Variants in PAG1 observed in about 807,000 individuals in gnomAD.
PAG1 encodes the protein phosphoprotein membrane anchor with glycosphingolipid microdomains 1.
In PAG1, 23 loss-of-function variants were observed where a neutral mutation model predicts 31.7. The observed-to-expected ratio is 0.73, with a 90% confidence interval of 0.52 to 1.03. The LOEUF (loss-of-function observed/expected upper bound fraction) is 1.03, where lower values mean the gene tolerates loss of function less well. Ranked by LOEUF, PAG1 falls within the 50% of genes least tolerant of loss-of-function variation. The pLI is 0.00. For missense variants in PAG1, 473 were observed against 540.7 expected (o/e 0.87, Z 1.24); for synonymous variants, 214 against 210.3 (o/e 1.02, Z -0.15).
intron 1 of PAG1, among the ~76,000 whole-genome samples, chr8:81,087,981 G>A (rs527257543): frequency 1.3e-5 from 2 of 152,266 alleles, no homozygotes; most frequent in Non-Finnish European, 2.9e-5. Flanking sequence ...CTGATTTAAA[G>A]CTGAAGATTT....
chr8:80,976,946 G>T, intron 8 of PAG1, 40 bp from the exon 9 acceptor site: 2 of 1,554,114 alleles, frequency 1.3e-6, no homozygotes, highest in South Asian at 2.5e-5. Context: ...TTCCAGCTGT[G>T]ACTTCCCCCT....
At chr8:81,068,430 C>T (rs1809042583) in intron 2 of PAG1, among the ~76,000 whole-genome samples, 1 of 152,140 alleles carries the variant, frequency 6.6e-6, no homozygotes, top group South Asian at 2.1e-4. Context: ...AAGAATGTAG[C>T]CACCATGTTA....
intron 1 of PAG1, among the ~76,000 whole-genome samples, chr8:81,077,078 G>A (rs946686551): frequency 4.6e-5 from 7 of 152,168 alleles, no homozygotes; most frequent in East Asian, 1.9e-4. Context: ...CTTAGAAATC[G>A]TGCAGAGCTT....
chr8:80,987,423 G>C lies in PAG1; in HGVS notation c.221C>G (p.Ala74Gly). ...EMFSRSVTSL[A>G]TDAPASSEQN... ...CTCACTGCTGGCAGGAGCATCTGTTGCCAGGCTAGTAACTGAACGGCTGAA... is the reference window on the plus strand; with the variant it reads ...CTCACTGCTGGCAGGAGCATCTGTTCCCAGGCTAGTAACTGAACGGCTGAA... The change falls in exon 6 of 9, where the codon GCA becomes GGA. Residue 74 changes from alanine to glycine, a missense_variant. By Grantham distance (60) the Ala-to-Gly change is moderately conservative. Transcript: ENST00000220597. 2 of 1,614,002 alleles carry C rather than the reference G, an allele frequency of 1.2e-6. No homozygotes were observed. Among genetic ancestry groups the C allele is most frequent in the East Asian group, 4.5e-5 (2 of 44,888 alleles).
chr8:80,979,249 A>G (rs7016005), intron 8 of PAG1, among the ~76,000 whole-genome samples: 11 of 152,236 alleles, frequency 7.2e-5, no homozygotes, highest in African/African-American at 2.7e-4. Context: ...TATATATTTT[A>G]CCTTCTTGTC....
intron 1 of PAG1, among the ~76,000 whole-genome samples, chr8:81,098,413 A>T (rs1472642051): frequency 2.0e-5 from 3 of 152,128 alleles, no homozygotes; most frequent in African/African-American, 7.2e-5. Context: ...TGAACTCTAA[A>T]TATCTTTCCT....
At chr8:81,078,891 T>G (rs1809219919) in intron 1 of PAG1, among the ~76,000 whole-genome samples, 3 of 152,092 alleles carry the variant, frequency 2.0e-5, no homozygotes, top group African/African-American at 7.2e-5. Context: ...AAACGCACAA[T>G]CTGGTTCCAG....
intron 1 of PAG1, among the ~76,000 whole-genome samples, chr8:81,100,596 GT>G (rs1192974405): frequency 6.6e-6 from 1 of 152,190 alleles, no homozygotes; most frequent in Non-Finnish European, 1.5e-5. Context: ...AAGAACCACA[GT>G]TCTAGACAGA....
intron 7 of PAG1, among the ~76,000 whole-genome samples, chr8:80,981,862 C>CT (rs57438015): frequency 0.038 from 3,923 of 103,372 alleles, 311 homozygotes; most frequent in African/African-American, 0.12. Flanking sequence ...ATCTCACTTC[C>CT]TTTTTTTTTT....
chr8:81,032,472 A>G (rs890050935), intron 2 of PAG1, among the ~76,000 whole-genome samples: 1 of 152,216 alleles, frequency 6.6e-6, no homozygotes, highest in African/African-American at 2.4e-5. Flanking sequence ...ACATCACAAC[A>G]TAAGTAGCCA....
chr8:81,027,707 C>G (rs1440147032), intron 3 of PAG1, among the ~76,000 whole-genome samples: 1 of 152,022 alleles, frequency 6.6e-6, no homozygotes, highest in Non-Finnish European at 1.5e-5. Flanking sequence ...AGATCGAGAC[C>G]ATCCTGGCTA....
chr8:81,030,346 G>A (rs10957995), intron 2 of PAG1, among the ~76,000 whole-genome samples: 98,717 of 152,092 alleles, frequency 0.65, 32,778 homozygotes, highest in Non-Finnish European at 0.72. Context: ...AAAAAGCCAC[G>A]TAAGTGTCTA....
At chr8:81,082,763 CTTAT>C (rs1809290366) in intron 1 of PAG1, among the ~76,000 whole-genome samples, 1 of 152,028 alleles carries the variant, frequency 6.6e-6, no homozygotes, top group African/African-American at 2.4e-5. Flanking sequence ...CATTATATTT[CTTAT>C]TTATTTCCTG....
intron 3 of PAG1, among the ~76,000 whole-genome samples, chr8:81,022,431 A>C (rs1000938574): frequency 6.6e-6 from 1 of 152,210 alleles, no homozygotes; most frequent in Non-Finnish European, 1.5e-5. Context: ...ACAGCCAAGC[A>C]ATGTCAATAT....
intron 3 of PAG1, among the ~76,000 whole-genome samples, chr8:81,003,210 G>A (rs1282255811): frequency 2.0e-5 from 3 of 152,212 alleles, no homozygotes; most frequent in African/African-American, 4.8e-5. Flanking sequence ...CACTGTTCTA[G>A]AAGAGCTGCT....
intron 2 of PAG1, among the ~76,000 whole-genome samples, chr8:81,049,228 T>C (rs1808688717): frequency 6.6e-6 from 1 of 152,266 alleles, no homozygotes; most frequent in East Asian, 1.9e-4. Flanking sequence ...TCACAACATA[T>C]CTAAAAGTGA....
Position 80,969,570 on chromosome 8 carries a change from G to A in PAG1, c.*6974C>T, listed in dbSNP as rs972707206. ...CAGGACATGACAACAAGATAGTTCT[G>A]AACTGTAGGCTCTAGGGAGCAACTG... On this transcript the variant is annotated 3_prime_UTR_variant, in exon 9 of 9. Transcript: ENST00000220597. 12 of 152,212 alleles carry A rather than the reference G, an allele frequency of 7.9e-5. No homozygotes were observed. The highest frequency in any genetic ancestry group is 2.7e-4 in the African/African-American group (11 of 41,446). The allele number at this position is 152,212 out of a possible 1,614,324, so 9.4% of individuals were successfully genotyped here. A position where few individuals can be genotyped will look rare whatever the true frequency, so the allele number is the denominator to read the frequency against.
At chr8:80,993,331 G>A in intron 3 of PAG1, 24 bp from the exon 4 acceptor site, 1 of 1,201,232 alleles carries the variant, frequency 8.3e-7, no homozygotes, top group Non-Finnish European at 1.1e-6. Context: ...AGTGCGTTTG[G>A]AGAGTAATTC....
At chr8:81,092,909 T>C (rs979731492) in intron 1 of PAG1, among the ~76,000 whole-genome samples, 2 of 152,232 alleles carry the variant, frequency 1.3e-5, no homozygotes, top group East Asian at 1.9e-4. Flanking sequence ...CAGATCTCTC[T>C]TTAAATCTCA....
Sources: allele counts gnomAD v4.1 joint callset (sites outside exome capture counted in the v4.1 genomes callset), GRCh38; gene constraint gnomAD v4.1.1; transcripts MANE v1.5; gene names NCBI Gene and HGNC (gene_info 2026-07-23, HGNC 2026-07-21).